Variants in MTPN observed in about 807,000 individuals in gnomAD.
MTPN encodes the protein granule cell differentiation protein.
A neutral mutation model predicts 13.5 loss-of-function variants in MTPN; 2 were observed. The observed-to-expected ratio is 0.15, with a 90% confidence interval of 0.06 to 0.47. The LOEUF is 0.47. Ranked by LOEUF, MTPN falls within the 20% of genes least tolerant of loss-of-function variation. The probability of loss-of-function intolerance (pLI) is 0.97; values close to 1 mark genes in which losing one functional copy is unlikely to be tolerated. For synonymous variants in MTPN, 46 were observed against 51.7 expected, an observed-to-expected ratio of 0.89 and a Z score of 0.48; for missense variants, 79 against 137.9, an observed-to-expected ratio of 0.57 and a Z score of 2.14.
chr7:135,950,657 G>A lies in MTPN; in HGVS notation c.212C>T (p.Pro71Leu). The A allele has an allele frequency of 6.2e-7, 1 of 1,612,450 alleles. No homozygotes were observed. The highest frequency in any genetic ancestry group is 8.5e-7 in the Non-Finnish European group (1 of 1,178,830). ...ACCCTCATAGACAGCAGACAGAAGA[G>A]GAGTAATATGATGTTTATCTGGAGC... ...INAPDKHHIT[P>L]LLSAVYEGHV... Residue 71 changes from proline (P) to leucine (L), a missense_variant, in exon 3 of 4, where the codon CCT becomes CTT. Pro to Leu is a moderately conservative substitution (Grantham distance 98). Coordinates refer to ENST00000393085, the MANE Select transcript of MTPN (RefSeq NM_145808.4).
intron 3 of MTPN, among the ~76,000 whole-genome samples, chr7:135,946,694 A>T (rs1799293838): frequency 6.6e-6 from 1 of 152,178 alleles, no homozygotes; most frequent in Non-Finnish European, 1.5e-5. Context: ...TTCATTCCAA[A>T]AATTTCCTGG....
intron 1 of MTPN, among the ~76,000 whole-genome samples, chr7:135,961,540 T>C (rs1490485481): frequency 2.0e-5 from 3 of 151,996 alleles, no homozygotes; most frequent in Non-Finnish European, 4.4e-5. Context: ...TTTTTCTTTC[T>C]TTTTTGAGAC....
intron 1 of MTPN, among the ~76,000 whole-genome samples, chr7:135,955,523 T>C (rs1202315195): frequency 1.3e-5 from 2 of 152,308 alleles, no homozygotes; most frequent in East Asian, 3.9e-4. Flanking sequence ...ATACCAATTC[T>C]ACCCACTCTT....
chr7:135,946,822 C>T (rs1799295161), intron 3 of MTPN, among the ~76,000 whole-genome samples: 1 of 152,152 alleles, frequency 6.6e-6, no homozygotes, highest in South Asian at 2.1e-4. Flanking sequence ...AGGCATTGGG[C>T]TTGGCCTCTC....
At chr7:135,976,534 C>A (rs1417683963) in intron 1 of MTPN, among the ~76,000 whole-genome samples, 1 of 146,640 alleles carries the variant, frequency 6.8e-6, no homozygotes, top group South Asian at 2.1e-4. Flanking sequence ...TTTCTATTTT[C>A]GGTACTCTTT....
chr7:135,956,142 G>A (rs1227585736), intron 1 of MTPN, among the ~76,000 whole-genome samples: 1 of 152,176 alleles, frequency 6.6e-6, no homozygotes, highest in African/African-American at 2.4e-5. Context: ...GGTGCTGAAT[G>A]ACAATTTCAC....
chr7:135,950,706 A>T, intron 2 of MTPN, 24 bp from the exon 3 acceptor site: 1 of 1,522,738 alleles, frequency 6.6e-7, no homozygotes, highest in East Asian at 2.3e-5. Context: ...AACAGAGATA[A>T]CTTTATCTGT....
intron 1 of MTPN, among the ~76,000 whole-genome samples, chr7:135,952,162 G>A (rs1799372784): frequency 6.6e-6 from 1 of 152,192 alleles, no homozygotes; most frequent in Non-Finnish European, 1.5e-5. Flanking sequence ...AGCAAAATCA[G>A]ACATGACTCC....
At chr7:135,938,884 C>A (rs1799157458) in intron 3 of MTPN, among the ~76,000 whole-genome samples, 1 of 152,206 alleles carries the variant, frequency 6.6e-6, no homozygotes, top group Non-Finnish European at 1.5e-5. Context: ...TCAAGGAAAT[C>A]ATCATGTCTT....
chr7:135,933,968 C>T (rs1395921450), intron 3 of MTPN, among the ~76,000 whole-genome samples: 1 of 152,126 alleles, frequency 6.6e-6, no homozygotes, highest in Non-Finnish European at 1.5e-5. Flanking sequence ...CTCTCTCCTG[C>T]CACCATGAGA....
At chr7:135,954,905 T>G (rs1259121850) in intron 1 of MTPN, among the ~76,000 whole-genome samples, 1 of 152,192 alleles carries the variant, frequency 6.6e-6, no homozygotes, top group Non-Finnish European at 1.5e-5. Context: ...ATTGCGCCAC[T>G]GCACTCCAGC....
chr7:135,974,983 T>C (rs1446629672), intron 1 of MTPN, among the ~76,000 whole-genome samples: 1 of 152,238 alleles, frequency 6.6e-6, no homozygotes. Context: ...AGCTCAATGC[T>C]CTGTACATCA....
chr7:135,927,243 C>T lies in MTPN; in HGVS notation c.*2683G>A. 1 of 1,489,958 alleles carries T rather than the reference C, an allele frequency of 6.7e-7. No homozygotes were observed. Among genetic ancestry groups the T allele is most frequent in the East Asian group, 2.5e-5 (1 of 39,964 alleles). The allele number at this position is 1,489,958 out of a possible 1,614,324, so 92.3% of individuals were successfully genotyped here. On this transcript the variant is annotated 3_prime_UTR_variant, in exon 4 of 4. Transcript: ENST00000393085. ...TTGCAGCTTCCACACACTGCACCTA[C>T]CTACTACCTCTCTTCCATGCTTAAC...
At chr7:135,951,663 T>C in intron 1 of MTPN, 33 bp from the exon 2 acceptor site, 1 of 1,461,966 alleles carries the variant, frequency 6.8e-7, no homozygotes, top group Non-Finnish European at 9.5e-7. Flanking sequence ...ACAATATTTA[T>C]ATGAATGGAA....
chr7:135,964,842 C>T (rs1799580191), intron 1 of MTPN, among the ~76,000 whole-genome samples: 1 of 151,916 alleles, frequency 6.6e-6, no homozygotes, highest in South Asian at 2.1e-4. Context: ...TTTTTTATAT[C>T]TCAAAAACTT....
In MTPN at chr7:135,929,580, C is replaced by T. The variant is rs186618888; in HGVS notation, c.*346G>A. ...TAGAGTTGGCCTTTGTAGAATCAGA[C>T]CTTCAACACAATCTAATAAATTAGC... On this transcript the variant is annotated 3_prime_UTR_variant, in exon 4 of 4. Transcript: ENST00000393085. 1.3e-4 allele frequency: 32 copies of T among 244,742 alleles called. No individual in the cohort carries two copies. In the East Asian group the frequency reaches 3.1e-3, roughly 24 times the overall value. 15.2% of individuals were successfully genotyped at this position (244,742 alleles called of 1,614,324 possible). A position where few individuals can be genotyped will look rare whatever the true frequency, so the allele number is the denominator to read the frequency against.
chr7:135,971,164 G>A lies in MTPN; in HGVS notation c.72+5865C>T, dbSNP rs528813351. On this transcript the variant is annotated intron_variant, in intron 1 of 3. Transcript: ENST00000393085. ...TTTTCAAACCTATTAGAGTGTCAAC[G>A]GCAGATGTAATTAGAATGGAGGCTG... Among the ~76,000 whole-genome samples the A allele has an allele frequency of 5.3e-5, 8 of 152,014 alleles. No homozygotes were observed. In the South Asian group the frequency reaches 1.7e-3, roughly 31 times the overall value.
At chr7:135,953,248 CT>C (rs1334011006) in intron 1 of MTPN, among the ~76,000 whole-genome samples, 3 of 151,164 alleles carry the variant, frequency 2.0e-5, no homozygotes, top group African/African-American at 7.2e-5. Flanking sequence ...ATGGCAAGCT[CT>C]CTTTCTCGTA....
In MTPN at chr7:135,976,895, C is replaced by T. The variant is rs988782538; in HGVS notation, c.72+134G>A. On this transcript the variant is annotated intron_variant, in intron 1 of 3. Transcript: ENST00000393085. ...GCTCCTCCCTAGACGCCCCTCTCTC[C>T]TTGGTGCCGCCTCCACCCAGGAAGT... 8.2e-6 allele frequency: 7 copies of T among 857,854 alleles called. No individual in the cohort carries two copies. In the African/African-American group the frequency reaches 1.2e-4, roughly 14 times the overall value. 53.1% of individuals were successfully genotyped at this position (857,854 alleles called of 1,614,324 possible).
Sources: allele counts gnomAD v4.1 joint callset (sites outside exome capture counted in the v4.1 genomes callset), GRCh38; gene constraint gnomAD v4.1.1; transcripts MANE v1.5; gene names NCBI Gene and HGNC (gene_info 2026-07-23, HGNC 2026-07-21).